Variants in NCAM2 observed in about 807,000 individuals in gnomAD.
NCAM2 encodes N-CAM-2.
NCAM2 carries 30 observed loss-of-function variants against 98.1 expected under a neutral mutation model. That is an observed-to-expected ratio of 0.31 (90% confidence interval 0.23 to 0.41). The LOEUF is 0.41. Ranked by LOEUF, NCAM2 falls within the 10% of genes least tolerant of loss-of-function variation. The pLI, the probability that NCAM2 is intolerant of heterozygous loss-of-function variation, is 1.00. For synonymous variants in NCAM2, 368 were observed against 342.4 expected (o/e 1.07, Z -0.83); for missense variants, 867 against 1,005.8 (o/e 0.86, Z 1.87).
chr21:21,026,559 A>T (rs2064549694), intron 1 of NCAM2, among the ~76,000 whole-genome samples: 1 of 151,652 alleles, frequency 6.6e-6, no homozygotes, highest in African/African-American at 2.4e-5. Context: ...CAGGAGGCGG[A>T]GGTTGCAGTG....
rs189503841 is a variant in NCAM2 at position 21,181,123 on chromosome 21, T to A, written c.56-99455T>A. Among the ~76,000 whole-genome samples, 636 of 152,294 alleles carry A rather than the reference T, an allele frequency of 4.2e-3. 8 individuals are homozygous for A. Among genetic ancestry groups the A allele is most frequent in the African/African-American group, 0.015 (611 of 41,568 alleles). On this transcript the variant is annotated intron_variant, in intron 1 of 17. Transcript: ENST00000400546. ...AAAGGGCTTGCTTCGATTACATTTT[T>A]AAAAATGTAAGCACAGTTTTGTATG... is the stretch of plus-strand genomic sequence containing the variant.
chr21:21,050,658 A>T (rs1019858569), intron 1 of NCAM2, among the ~76,000 whole-genome samples: 1 of 152,170 alleles, frequency 6.6e-6, no homozygotes, highest in African/African-American at 2.4e-5. Flanking sequence ...GGGGTCTGAT[A>T]TTGGAGATCT....
At position 21,157,528 on chromosome 21, in the gene NCAM2, G is replaced by T. The variant is rs182049281; in HGVS notation, c.56-123050G>T. Among the ~76,000 whole-genome samples, 660 of 152,204 alleles carry T rather than the reference G, an allele frequency of 4.3e-3. 6 individuals are homozygous for T. Among genetic ancestry groups the T allele is most frequent in the South Asian group, 0.02 (96 of 4,828 alleles). On this transcript the variant is annotated intron_variant, in intron 1 of 17. Transcript: ENST00000400546. The stretch of plus-strand genomic sequence containing the variant: ...AATTACATATATAAAATTTTAGAAA[G>T]TAATCATATATCATCATCTTTGTAC...
At chr21:21,137,968 T>C (rs565985505) in intron 1 of NCAM2, among the ~76,000 whole-genome samples, 132 of 152,222 alleles carry the variant, frequency 8.7e-4, no homozygotes, top group Non-Finnish European at 1.6e-3. Context: ...GGGGAGAACC[T>C]TTGTAACGGT....
At chr21:21,102,317 C>T (rs374991527) in intron 1 of NCAM2, among the ~76,000 whole-genome samples, 12 of 151,828 alleles carry the variant, frequency 7.9e-5, no homozygotes, top group Admixed American at 4.6e-4. Context: ...ACTAGAAACA[C>T]GATTTTTACT....
intron 15 of NCAM2, among the ~76,000 whole-genome samples, chr21:21,494,703 A>G (rs1987091588): frequency 6.6e-6 from 1 of 152,004 alleles, no homozygotes. Flanking sequence ...CAGTTCCAAC[A>G]TACATAATAA....
chr21:21,169,196 T>C (rs566771335), intron 1 of NCAM2, among the ~76,000 whole-genome samples: 46 of 152,074 alleles, frequency 3.0e-4, no homozygotes, highest in Non-Finnish European at 6.0e-4. Context: ...ACAAATACAG[T>C]TTTTACAACA....
chr21:21,096,015 A>T (rs1204255615), intron 1 of NCAM2, among the ~76,000 whole-genome samples: 2 of 151,654 alleles, frequency 1.3e-5, no homozygotes, highest in Admixed American at 1.3e-4. Context: ...ACATCTGTTT[A>T]TGAGAAACAG....
chr21:21,362,266 T>C (rs551508939), intron 8 of NCAM2, among the ~76,000 whole-genome samples: 3 of 152,294 alleles, frequency 2.0e-5, no homozygotes, highest in African/African-American at 7.2e-5. Context: ...CCATATAATA[T>C]AAATGTTCTG....
chr21:21,392,572 G>GT (rs2076404314), intron 9 of NCAM2, among the ~76,000 whole-genome samples: 2 of 152,142 alleles, frequency 1.3e-5, no homozygotes, highest in African/African-American at 4.8e-5. Flanking sequence ...CACCAACAGT[G>GT]TAACAGTGTT....
intron 9 of NCAM2, among the ~76,000 whole-genome samples, chr21:21,375,209 C>A (rs1353995322): frequency 6.4e-5 from 9 of 141,094 alleles, no homozygotes; most frequent in South Asian, 2.2e-4. Context: ...AAAAAGAAAA[C>A]AAAAACAAAA....
chr21:21,306,273 T>C (rs2073876882), intron 5 of NCAM2, among the ~76,000 whole-genome samples: 1 of 152,174 alleles, frequency 6.6e-6, no homozygotes, highest in African/African-American at 2.4e-5. Context: ...TATTGAGAAA[T>C]AGCTGTTTAA....
intron 10 of NCAM2, among the ~76,000 whole-genome samples, chr21:21,418,038 T>C (rs2077028637): frequency 6.6e-6 from 1 of 152,024 alleles, no homozygotes; most frequent in South Asian, 2.1e-4. Context: ...ACAATGCTTT[T>C]ATTACAAGCT....
intron 1 of NCAM2, among the ~76,000 whole-genome samples, chr21:21,189,862 A>T (rs1187913997): frequency 1.3e-5 from 2 of 152,194 alleles, no homozygotes; most frequent in Non-Finnish European, 2.9e-5. Context: ...TCAGCCTTTA[A>T]CTAGTCTACA....
At chr21:21,502,800 A>G (rs550042715) in intron 15 of NCAM2, among the ~76,000 whole-genome samples, 1 of 152,092 alleles carries the variant, frequency 6.6e-6, no homozygotes, top group Non-Finnish European at 1.5e-5. Context: ...AGCTACCAGT[A>G]TTCTGGAAAC....
At chr21:21,239,210 C>T (rs1485066230) in intron 1 of NCAM2, 1 of 152,144 alleles carries the variant, frequency 6.6e-6, no homozygotes, top group Non-Finnish European at 1.5e-5. Flanking sequence ...AGAAATTTTT[C>T]CCTGAGGCAT....
intron 1 of NCAM2, among the ~76,000 whole-genome samples, chr21:21,192,399 G>A (rs1019717961): frequency 1.3e-5 from 2 of 152,072 alleles, no homozygotes; most frequent in African/African-American, 4.8e-5. Flanking sequence ...TTAGAGTAGA[G>A]TAAATAGAGT....
At chr21:21,277,148 A>G (rs2072758314) in intron 1 of NCAM2, among the ~76,000 whole-genome samples, 3 of 152,114 alleles carry the variant, frequency 2.0e-5, no homozygotes, top group African/African-American at 7.2e-5. Context: ...ATATCCTTAA[A>G]TGAAGTCATT....
chr21:21,307,955 A>C (rs1465010714), intron 5 of NCAM2, among the ~76,000 whole-genome samples: 2 of 152,024 alleles, frequency 1.3e-5, no homozygotes, highest in Admixed American at 1.3e-4. Context: ...ACACCTGCAA[A>C]GTCTTTTTAA....
Sources: allele counts gnomAD v4.1 joint callset (sites outside exome capture counted in the v4.1 genomes callset), GRCh38; gene constraint gnomAD v4.1.1; transcripts MANE v1.5; gene names NCBI Gene and HGNC (gene_info 2026-07-23, HGNC 2026-07-21).